ZDHHC21: variants seen among roughly 807,000 people sequenced by gnomAD.
ZDHHC21 encodes the protein palmitoyltransferase ZDHHC21.
Under a neutral mutation model 34.6 loss-of-function variants are expected in ZDHHC21, and 15 were observed. The observed-to-expected ratio is 0.43, with a 90% CI of 0.29 to 0.67. The LOEUF (loss-of-function observed/expected upper bound fraction) is 0.67. Ranked by LOEUF, ZDHHC21 falls within the 30% of genes least tolerant of loss-of-function variation. The pLI, the probability that ZDHHC21 is intolerant of heterozygous loss-of-function variation, is 0.14. For synonymous variants in ZDHHC21, 142 were observed against 101.8 expected (o/e 1.40, Z -2.38); for missense variants, 344 against 327.7 (o/e 1.05, Z -0.38).
intron 3 of ZDHHC21, chr9:14,677,353 A>G (rs1367292279): frequency 1.3e-5 from 2 of 152,030 alleles, no homozygotes; most frequent in Non-Finnish European, 2.9e-5. Flanking sequence ...TAGAACACAA[A>G]ACAGTGATCT....
At chr9:14,682,103 C>T (rs931911826) in intron 2 of ZDHHC21, among the ~76,000 whole-genome samples, 1 of 152,092 alleles carries the variant, frequency 6.6e-6, no homozygotes, top group Non-Finnish European at 1.5e-5. Context: ...ACTGTAAAGA[C>T]CACAGATGCT....
At chr9:14,668,747 G>A (rs1834941385) in intron 5 of ZDHHC21, among the ~76,000 whole-genome samples, 1 of 131,806 alleles carries the variant, frequency 7.6e-6, no homozygotes, top group Non-Finnish European at 1.6e-5. Context: ...AACAAGCAAT[G>A]GGGAAAGGAT....
chr9:14,619,750 A>C (rs1824950151), intron 8 of ZDHHC21, 68 bp from the exon 9 acceptor site: 1 of 940,054 alleles, frequency 1.1e-6, no homozygotes. Context: ...TATCCACTCT[A>C]TCATGTTTTT....
chr9:14,692,696 CTT>C (rs1839331227), intron 1 of ZDHHC21, among the ~76,000 whole-genome samples: 1 of 152,124 alleles, frequency 6.6e-6, no homozygotes, highest in Admixed American at 6.6e-5. Flanking sequence ...CCGAAAACCT[CTT>C]TGGATCAAGA....
chr9:14,644,310 G>A (rs976087980), intron 7 of ZDHHC21, among the ~76,000 whole-genome samples: 2 of 152,054 alleles, frequency 1.3e-5, no homozygotes, highest in African/African-American at 4.8e-5. Flanking sequence ...CATCATCTAT[G>A]TGTAATGACA....
At chr9:14,595,954 G>A in the ZDHHC21 span, among the ~76,000 whole-genome samples, 4 of 152,136 alleles carry the variant, frequency 2.6e-5, no homozygotes, top group Admixed American at 6.5e-5. Context: ...CGGAGCAACT[G>A]GAACACTCAT....
intron 8 of ZDHHC21, among the ~76,000 whole-genome samples, chr9:14,638,827 C>T (rs573187498): frequency 4.6e-5 from 7 of 152,008 alleles, no homozygotes; most frequent in East Asian, 1.9e-4. Context: ...CATCTTAGAA[C>T]GGCTTTTATT....
the ZDHHC21 span, among the ~76,000 whole-genome samples, chr9:14,605,864 T>C: frequency 6.6e-6 from 1 of 152,096 alleles, no homozygotes; most frequent in East Asian, 1.9e-4. Flanking sequence ...TTTCTCACTA[T>C]ACAATATTAC....
chr9:14,619,185 A>C, intron 9 of ZDHHC21, 87 bp from the exon 10 acceptor site: 1 of 1,366,920 alleles, frequency 7.3e-7, no homozygotes, highest in African/African-American at 1.5e-5. Flanking sequence ...CTGGGGATCC[A>C]TTACTGGACT....
chr9:14,681,835 A>G (rs1012713449), intron 2 of ZDHHC21, among the ~76,000 whole-genome samples: 24 of 152,166 alleles, frequency 1.6e-4, no homozygotes, highest in Non-Finnish European at 3.1e-4. Context: ...GACTAACAGC[A>G]GATCTCTTGG....
At chr9:14,632,066 C>T (rs1586959579) in intron 8 of ZDHHC21, among the ~76,000 whole-genome samples, 1 of 150,458 alleles carries the variant, frequency 6.6e-6, no homozygotes, top group East Asian at 1.9e-4. Context: ...CACACACAAA[C>T]ACACACACAC....
intron 7 of ZDHHC21, among the ~76,000 whole-genome samples, chr9:14,642,244 G>A (rs563516041): frequency 6.6e-6 from 1 of 152,180 alleles, no homozygotes; most frequent in African/African-American, 2.4e-5. Context: ...TGTATTCCAA[G>A]TTCACACATG....
chr9:14,642,586 C>G (rs1214882908), intron 7 of ZDHHC21, among the ~76,000 whole-genome samples: 1 of 152,146 alleles, frequency 6.6e-6, no homozygotes, highest in Non-Finnish European at 1.5e-5. Flanking sequence ...CTAATCCAAT[C>G]CAACTGGTTC....
At chr9:14,683,058 C>A (rs929057016) in intron 2 of ZDHHC21, among the ~76,000 whole-genome samples, 3 of 152,222 alleles carry the variant, frequency 2.0e-5, no homozygotes, top group South Asian at 2.1e-4. Context: ...AAATTTATAG[C>A]ACTAAATGCC....
At chr9:14,599,552 G>T in the ZDHHC21 span, among the ~76,000 whole-genome samples, 4 of 147,360 alleles carry the variant, frequency 2.7e-5, no homozygotes, top group African/African-American at 9.9e-5. Context: ...AGCTGCAGGA[G>T]TTTTTTTTTT....
chr9:14,627,038 C>A (rs1211919565), intron 8 of ZDHHC21, among the ~76,000 whole-genome samples: 1 of 151,906 alleles, frequency 6.6e-6, no homozygotes, highest in Non-Finnish European at 1.5e-5. Context: ...CAATGCTGAC[C>A]TGGAGCTGAG....
At position 14,677,987 on chromosome 9, in the gene ZDHHC21, A is replaced by G. The variant is rs567324817; in HGVS notation, c.-46+2046T>C. 8.4e-4 allele frequency among the ~76,000 whole-genome samples: 128 copies of G among 151,978 alleles called. 1 individual carries two copies. Among genetic ancestry groups the G allele is most frequent in the Non-Finnish European group, 1.5e-3 (103 of 67,972 alleles). On this transcript the variant is annotated intron_variant, in intron 3 of 9. Transcript: ENST00000380916. Reference sequence around the variant, plus strand: ...TCCGAACACGTATGTCTATGCTTACAGTTTTACGTGATTCTTCACCTTAGC... The same window carrying G: ...TCCGAACACGTATGTCTATGCTTACGGTTTTACGTGATTCTTCACCTTAGC...
chr9:14,658,987 T>G (rs893555485), intron 6 of ZDHHC21, 100 bp from the exon 7 acceptor site: 1 of 1,219,824 alleles, frequency 8.2e-7, no homozygotes, highest in Non-Finnish European at 1.1e-6. Flanking sequence ...TCACATATGC[T>G]TAACTTCATG....
At chr9:14,604,797 T>C in the ZDHHC21 span, among the ~76,000 whole-genome samples, 2 of 152,184 alleles carry the variant, frequency 1.3e-5, no homozygotes, top group Non-Finnish European at 2.9e-5. Context: ...ACTATAAGCA[T>C]AATGTTATAC....
Sources: allele counts gnomAD v4.1 joint callset (sites outside exome capture counted in the v4.1 genomes callset), GRCh38; gene constraint gnomAD v4.1.1; transcripts MANE v1.5; gene names NCBI Gene and HGNC (gene_info 2026-07-23, HGNC 2026-07-21).